PPARGC1A: variants seen among roughly 807,000 people sequenced by gnomAD.
PPARGC1A encodes PPARG coactivator 1 alpha.
In PPARGC1A, 25 loss-of-function variants were observed where a neutral mutation model predicts 88.7. The ratio of observed to expected loss-of-function variants is 0.28; its 90% CI spans 0.21 to 0.39. The LOEUF is 0.39. Among genes scored for constraint, PPARGC1A ranks in the 10% least tolerant of loss-of-function variants. PPARGC1A has a pLI of 1.00. For missense variants in PPARGC1A, 880 were observed against 968.7 expected (o/e 0.91, Z 1.22); for synonymous variants, 363 against 355.6 (o/e 1.02, Z -0.24).
At chr4:24,094,799 TA>T in the PPARGC1A span, among the ~76,000 whole-genome samples, 22 of 147,386 alleles carry the variant, frequency 1.5e-4, no homozygotes, top group East Asian at 3.9e-4. Context: ...AATCAAGCAC[TA>T]AAAAAAAAAG....
At chr4:23,956,185 G>C in the PPARGC1A span, among the ~76,000 whole-genome samples, 1 of 152,110 alleles carries the variant, frequency 6.6e-6, no homozygotes, top group Non-Finnish European at 1.5e-5. Flanking sequence ...TGGATTTGGT[G>C]TGAGGGCTGG....
the PPARGC1A span, among the ~76,000 whole-genome samples, chr4:24,387,924 AAGAAAGAAAG>A: frequency 0.094 from 3,514 of 37,332 alleles, 249 homozygotes; most frequent in Middle Eastern, 0.25. Flanking sequence ...GAAAGAAAGA[AAGAAAGAAAG>A]AGAAAGAAAG....
the PPARGC1A span, among the ~76,000 whole-genome samples, chr4:24,387,804 GAA>G: frequency 1.2e-4 from 13 of 109,294 alleles, no homozygotes; most frequent in East Asian, 8.2e-4. Context: ...AAGAAAGAAA[GAA>G]AGAAAGAAAG....
At chr4:24,081,811 T>C in the PPARGC1A span, among the ~76,000 whole-genome samples, 1 of 152,028 alleles carries the variant, frequency 6.6e-6, no homozygotes, top group Non-Finnish European at 1.5e-5. Context: ...TGGTTTGATC[T>C]GAGCAAACAC....
chr4:23,855,485 GACCT>G (rs1197919188), intron 2 of PPARGC1A, among the ~76,000 whole-genome samples: 1 of 152,112 alleles, frequency 6.6e-6, no homozygotes, highest in African/African-American at 2.4e-5. Context: ...GACAAGCAAG[GACCT>G]ACTATGCTCG....
the PPARGC1A span, among the ~76,000 whole-genome samples, chr4:24,353,331 T>C: frequency 1.3e-5 from 2 of 150,000 alleles, no homozygotes; most frequent in South Asian, 4.2e-4. Context: ...GGAACTGAAG[T>C]GGAGATTGAG....
the PPARGC1A span, among the ~76,000 whole-genome samples, chr4:23,914,534 A>T: frequency 1.3e-5 from 2 of 152,190 alleles, no homozygotes; most frequent in Non-Finnish European, 2.9e-5. Context: ...CACCACCTCT[A>T]AAACTTCCCC....
the PPARGC1A span, among the ~76,000 whole-genome samples, chr4:24,010,509 T>A: frequency 2.0e-5 from 3 of 151,968 alleles, no homozygotes; most frequent in East Asian, 5.8e-4. Flanking sequence ...AAGCACTGAA[T>A]AAAAATAAAT....
intron 5 of PPARGC1A, among the ~76,000 whole-genome samples, chr4:23,826,915 CA>C (rs1459575311): frequency 6.6e-6 from 1 of 151,954 alleles, no homozygotes; most frequent in Non-Finnish European, 1.5e-5. Context: ...TCACATATTA[CA>C]AGGACTTTAA....
chr4:24,346,837 C>T, the PPARGC1A span, among the ~76,000 whole-genome samples: 7 of 151,986 alleles, frequency 4.6e-5, no homozygotes, highest in East Asian at 1.4e-3. Flanking sequence ...GTTCTTGTTT[C>T]TCTAGTTCCT....
At chr4:24,267,519 T>C in the PPARGC1A span, among the ~76,000 whole-genome samples, 4 of 152,206 alleles carry the variant, frequency 2.6e-5, no homozygotes, top group Non-Finnish European at 5.9e-5. Flanking sequence ...CTTTTGTGAC[T>C]ATCAATCCGG....
At chr4:24,148,805 C>T in the PPARGC1A span, among the ~76,000 whole-genome samples, 1 of 152,168 alleles carries the variant, frequency 6.6e-6, no homozygotes, top group Non-Finnish European at 1.5e-5. Flanking sequence ...TAGACATGGA[C>T]ATGATACATG....
At chr4:24,340,414 T>C in the PPARGC1A span, among the ~76,000 whole-genome samples, 1 of 152,226 alleles carries the variant, frequency 6.6e-6, no homozygotes, top group South Asian at 2.1e-4. Flanking sequence ...CCTTAGATTT[T>C]ATACATCCTT....
At chr4:24,102,879 A>C in the PPARGC1A span, among the ~76,000 whole-genome samples, 1 of 152,260 alleles carries the variant, frequency 6.6e-6, no homozygotes, top group East Asian at 1.9e-4. Context: ...CTGCCATCCC[A>C]CTGAAAACAA....
the PPARGC1A span, among the ~76,000 whole-genome samples, chr4:24,116,164 C>A: frequency 1.3e-5 from 2 of 152,114 alleles, no homozygotes; most frequent in Non-Finnish European, 2.9e-5. Flanking sequence ...TTTGTATATA[C>A]GATTTTTGTT....
At chr4:23,818,011 TC>T (rs1046897265) in intron 7 of PPARGC1A, among the ~76,000 whole-genome samples, 7 of 152,088 alleles carry the variant, frequency 4.6e-5, no homozygotes, top group African/African-American at 1.2e-4. Flanking sequence ...CCCACAACTT[TC>T]CCCCCTGAAG....
the PPARGC1A span, among the ~76,000 whole-genome samples, chr4:24,302,364 G>A: frequency 6.6e-6 from 1 of 152,172 alleles, no homozygotes; most frequent in Non-Finnish European, 1.5e-5. Context: ...TTTGAAATTA[G>A]TGAGCACTGA....
the PPARGC1A span, among the ~76,000 whole-genome samples, chr4:24,097,248 A>G: frequency 6.6e-6 from 1 of 152,210 alleles, no homozygotes; most frequent in African/African-American, 2.4e-5. Flanking sequence ...GCAAATATTC[A>G]ATCTAGAGGA....
chr4:24,387,940 G>GAAAGAAAT, the PPARGC1A span, among the ~76,000 whole-genome samples: 1 of 137,224 alleles, frequency 7.3e-6, no homozygotes, highest in Non-Finnish European at 1.6e-5. Flanking sequence ...GAAAGAGAAA[G>GAAAGAAAT]AAAGAAAGAA....
Sources: gnomAD v4.1 joint callset for allele counts (sites outside exome capture counted in the v4.1 genomes callset) on GRCh38, gnomAD v4.1.1 for gene constraint, MANE v1.5 for transcripts, NCBI Gene and HGNC (gene_info 2026-07-23, HGNC 2026-07-21) for gene names.